The following CAPN10 variants were observed in gnomAD, a reference collection of about 807,000 sequenced individuals.
CAPN10 encodes the protein calpain 10, also known as calpain-10.
A neutral mutation model predicts 78.4 loss-of-function variants in CAPN10; 71 were observed. The observed-to-expected ratio is 0.91, with a 90% CI of 0.75 to 1.10. The LOEUF is 1.10. CAPN10 is among the 50% of genes least tolerant of loss of function. The pLI, the probability that CAPN10 is intolerant of heterozygous loss-of-function variation, is 0.00. For synonymous variants in CAPN10, 437 were observed against 407.2 expected, an observed-to-expected ratio of 1.07 and a Z score of -0.88; for missense variants, 849 against 924.6, an observed-to-expected ratio of 0.92 and a Z score of 1.06.
intron 6 of CAPN10, 102 bp from the exon 7 acceptor site, chr2:240,594,922 C>T (rs947776491): frequency 1.2e-4 from 146 of 1,172,618 alleles, no homozygotes; most frequent in African/African-American, 1.9e-4. Context: ...TGTCTGTGGC[C>T]GTAGCTGCTG....
chr2:240,588,784 A>T (rs936400176), intron 1 of CAPN10, among the ~76,000 whole-genome samples: 3 of 151,848 alleles, frequency 2.0e-5, no homozygotes, highest in African/African-American at 7.3e-5. Flanking sequence ...CTTAAAGAAC[A>T]TGGGGGTGGG....
Position 240,596,413 on chromosome 2 carries a change from G to T in CAPN10, c.1373G>T (p.Arg458Leu). 1 of 1,613,634 alleles carries T rather than the reference G, an allele frequency of 6.2e-7. No homozygotes were observed. The highest frequency in any genetic ancestry group is 1.1e-5 in the South Asian group (1 of 91,090). Residue 458 changes from arginine to leucine, a missense_variant, in exon 8 of 12, where the codon CGT becomes CTT. Coordinates refer to ENST00000391984, the MANE Select transcript of CAPN10 (RefSeq NM_023083.4). ...CHAYDREVHL[R>L]CELSPGYYLA... ...GCATACGACCGGGAGGTCCACCTGC[G>T]TTGTGAGCTCTCACCGGGCTACTAC...
intron 3 of CAPN10, 105 bp downstream of exon 3, chr2:240,591,116 C>T: frequency 9.7e-7 from 1 of 1,030,604 alleles, no homozygotes; most frequent in Middle Eastern, 3.1e-4. Flanking sequence ...TGCAGAGCCC[C>T]CTTCAGTTCT....
At chr2:240,587,116 G>A in intron 1 of CAPN10, 64 bp downstream of exon 1, 1 of 1,151,178 alleles carries the variant, frequency 8.7e-7, no homozygotes, top group African/African-American at 1.6e-5. Context: ...TCCTCGCAGG[G>A]AGCGGGGCGG....
chr2:240,588,154 G>C (rs2125456357), intron 1 of CAPN10, among the ~76,000 whole-genome samples: 1 of 152,298 alleles, frequency 6.6e-6, no homozygotes, highest in African/African-American at 2.4e-5. Context: ...TGGTGGTCCT[G>C]GGACAGAGCC....
intron 1 of CAPN10, 101 bp downstream of exon 1, chr2:240,587,153 G>C (rs2093073649): frequency 1.6e-6 from 1 of 618,612 alleles, no homozygotes; most frequent in African/African-American, 1.9e-5. Context: ...AGCTCCGAAC[G>C]CAGGGTCCGC....
chr2:240,591,427 C>G (rs762480886), intron 3 of CAPN10: 7 of 225,960 alleles, frequency 3.1e-5, no homozygotes, highest in Non-Finnish European at 5.2e-5. Flanking sequence ...CTTGCTGGCT[C>G]AGGGGACCAG....
intron 1 of CAPN10, 139 bp downstream of exon 1, chr2:240,587,191 G>C (rs2093073976): frequency 2.4e-6 from 1 of 421,864 alleles, no homozygotes; most frequent in African/African-American, 2.1e-5. Context: ...GTGGGCGCCC[G>C]GCCCCCTCTT....
intron 4 of CAPN10, among the ~76,000 whole-genome samples, chr2:240,593,321 A>C (rs2093114874): frequency 6.6e-6 from 1 of 152,220 alleles, no homozygotes; most frequent in African/African-American, 2.4e-5. Flanking sequence ...GCGAGACTGA[A>C]GTCCTTCCAG....
chr2:240,592,003 C>G lies in CAPN10; in HGVS notation c.541C>G (p.Leu181Val). 1 of 1,613,360 alleles carries G rather than the reference C, an allele frequency of 6.2e-7. No homozygotes were observed. The highest frequency in any genetic ancestry group is 1.1e-5 in the South Asian group (1 of 91,012). Residue 181 changes from leucine to valine, a missense_variant, in exon 4 of 12, where the codon CTG becomes GTG. Transcript: ENST00000391984. ...TGCCCTGGTGGACCTGACCGGCGGCCTGGCAGAAAGATGGAACCTGAAGGG... is the reference window on the plus strand; with the variant it reads ...TGCCCTGGTGGACCTGACCGGCGGCGTGGCAGAAAGATGGAACCTGAAGGG... Reference protein sequence around the residue: ...ADALVDLTGGLAERWNLKGVA... With the variant: ...ADALVDLTGGVAERWNLKGVA...
chr2:240,598,506 C>G, intron 11 of CAPN10, 109 bp downstream of exon 11: 1 of 1,466,796 alleles, frequency 6.8e-7, no homozygotes, highest in Non-Finnish European at 9.5e-7. Context: ...GTGAGGTGCC[C>G]TTGACTCTTC....
rs374903158 is a variant in CAPN10 at position 240,597,941 on chromosome 2, G to A, written c.1797G>A (p.Pro599=). 7 of 1,612,578 alleles carry A rather than the reference G, an allele frequency of 4.3e-6. No individual in the cohort carries two copies. In the East Asian group the frequency reaches 8.9e-5, roughly 21 times the overall value. The change falls in exon 10 of 12, where the codon CCG becomes CCA. Residue 599 remains proline, a synonymous_variant. Transcript: ENST00000391984. ...QDAPPLLLQE[P]LLSCVPHRYA... The stretch of plus-strand genomic sequence containing the variant: ...CACCCCCACTGCTGCTGCAGGAGCC[G>A]CTGCTGAGCTGCGTGCCACATCGCT...
intron 1 of CAPN10, 62 bp downstream of exon 1, chr2:240,587,114 GGGAGC>G: frequency 8.7e-7 from 1 of 1,147,182 alleles, no homozygotes; most frequent in Non-Finnish European, 1.1e-6. Context: ...GCTCCTCGCA[GGGAGC>G]GGGGCGGGGT....
chr2:240,597,416 C>T (rs2093143886), intron 9 of CAPN10, among the ~76,000 whole-genome samples: 1 of 152,184 alleles, frequency 6.6e-6, no homozygotes. Flanking sequence ...TGTCCACTTA[C>T]CCTGACTCAG....
intron 4 of CAPN10, 109 bp downstream of exon 4, chr2:240,592,259 C>T: frequency 2.1e-6 from 2 of 947,210 alleles, no homozygotes; most frequent in Non-Finnish European, 3.3e-6. Flanking sequence ...CCTGTCAGGA[C>T]TAAGTGGGAA....
In CAPN10 at chr2:240,596,849, G is replaced by A; in HGVS notation, c.1650G>A (p.Glu550=). 6.2e-7 allele frequency: 1 copy of A among 1,613,576 alleles called. No individual in the cohort carries two copies. Among genetic ancestry groups the A allele is most frequent in the Non-Finnish European group, 8.5e-7 (1 of 1,180,026 alleles). The change falls in exon 9 of 12, where the codon GAG becomes GAA. Residue 550 remains glutamate (E), a synonymous_variant. Coordinates refer to ENST00000391984, the MANE Select transcript of CAPN10 (RefSeq NM_023083.4). ...CCTGCTTCCCCTTCTCGGTCCCCGA[G>A]GGCCCTGGCCCCCGCTGCGTCCGCA... ...TNPCFPFSVP[E]GPGPRCVRIT...
intron 2 of CAPN10, chr2:240,589,688 C>T: frequency 1.6e-6 from 1 of 610,710 alleles, no homozygotes; most frequent in Non-Finnish European, 2.8e-6. Flanking sequence ...CGCCAGAAGG[C>T]TCCATCAGGG....
intron 9 of CAPN10, among the ~76,000 whole-genome samples, chr2:240,597,485 C>T (rs73999920): frequency 0.018 from 2,750 of 152,304 alleles, 74 homozygotes; most frequent in African/African-American, 0.062. Flanking sequence ...ATGCAGGGGC[C>T]CTGACGAGGA....
intron 4 of CAPN10, chr2:240,592,441 G>A (rs993498139): frequency 1.5e-6 from 1 of 674,458 alleles, no homozygotes; most frequent in African/African-American, 1.8e-5. Context: ...TGGCCCAGCT[G>A]GCAACCTGGC....
Sources: gnomAD v4.1 joint callset for allele counts (sites outside exome capture counted in the v4.1 genomes callset) on GRCh38, gnomAD v4.1.1 for gene constraint, MANE v1.5 for transcripts, NCBI Gene and HGNC (gene_info 2026-07-23, HGNC 2026-07-21) for gene names.